DNAAF4: variants seen among roughly 807,000 people sequenced by gnomAD.
DNAAF4 encodes dynein axonemal assembly factor 4, also known as dynein assembly factor 4, axonemal.
DNAAF4 carries 43 observed loss-of-function variants against 51.8 expected under a neutral mutation model. The ratio of observed to expected loss-of-function variants is 0.83; its 90% CI spans 0.65 to 1.07. The LOEUF is 1.07. Ranked by LOEUF, DNAAF4 falls within the 50% of genes least tolerant of loss-of-function variation. The pLI is 0.00. For synonymous variants in DNAAF4, 194 were observed against 165.6 expected, an observed-to-expected ratio of 1.17 and a Z score of -1.32; for missense variants, 581 against 493.0, an observed-to-expected ratio of 1.18 and a Z score of -1.69.
intron 8 of DNAAF4, among the ~76,000 whole-genome samples, chr15:55,434,380 T>C (rs76327202): frequency 0.036 from 5,532 of 152,088 alleles, 103 homozygotes; most frequent in African/African-American, 0.05. Flanking sequence ...CTCAAGAAGC[T>C]ACCTAAGAGA....
intron 4 of DNAAF4, among the ~76,000 whole-genome samples, chr15:55,472,901 C>G (rs148727140): frequency 6.6e-6 from 1 of 152,080 alleles, no homozygotes; most frequent in African/African-American, 2.4e-5. Context: ...CATGGAGGCT[C>G]ACGCCTGTAA....
rs1367772643 is a variant in DNAAF4 at position 55,490,962 on chromosome 15, A to G, written c.405+161T>C. On this transcript the variant is annotated intron_variant, in intron 4 of 9. Transcript: ENST00000321149. ...GAGTGAGACTCGGTCTCAAGAAAAAAAAAAACACACATATAAATAGCAGAC... is the reference window on the plus strand; with the variant it reads ...GAGTGAGACTCGGTCTCAAGAAAAAGAAAAACACACATATAAATAGCAGAC... The G allele has an allele frequency of 6.4e-6, 5 of 786,426 alleles. No homozygotes were observed. The African/African-American group carries it at 8.9e-5, about 14-fold the overall frequency. The allele number at this position is 786,426 out of a possible 1,614,324, so 48.7% of individuals were successfully genotyped here.
chr15:55,470,636 G>A (rs927697551), intron 4 of DNAAF4, among the ~76,000 whole-genome samples: 1 of 151,278 alleles, frequency 6.6e-6, no homozygotes, highest in Non-Finnish European at 1.5e-5. Context: ...CAACCTCCTG[G>A]GCTCCAACGA....
intron 5 of DNAAF4, among the ~76,000 whole-genome samples, chr15:55,455,813 G>C (rs150404214): frequency 6.6e-6 from 1 of 152,162 alleles, no homozygotes; most frequent in Non-Finnish European, 1.5e-5. Context: ...ACAGGTTTCA[G>C]ATGCAGACCA....
chr15:55,493,357 TAA>T (rs1312883555), intron 3 of DNAAF4, among the ~76,000 whole-genome samples: 2 of 152,218 alleles, frequency 1.3e-5, no homozygotes, highest in Non-Finnish European at 2.9e-5. Flanking sequence ...TAGAGGTAAG[TAA>T]AAGTGTGTAA....
At chr15:55,498,930 G>A (rs1595961258) in intron 1 of DNAAF4, among the ~76,000 whole-genome samples, 4 of 145,356 alleles carry the variant, frequency 2.8e-5, no homozygotes, top group South Asian at 2.1e-4. Flanking sequence ...AAAAAGAAAA[G>A]AAAAAGAAAG....
Position 55,450,364 on chromosome 15 carries a change from C to T in DNAAF4, c.641G>A (p.Arg214Lys), listed in dbSNP as rs1189193525. ...LASRNLAPKG[R>K]NSENIFTEKL... Reference sequence around the variant, plus strand: ...CTCAGTAAATATATTTTCTGAATTTCTCCCTTCAAAAACAATGGTAGCAAA... The same window carrying T: ...CTCAGTAAATATATTTTCTGAATTTTTCCCTTCAAAAACAATGGTAGCAAA... Residue 214 changes from arginine to lysine, a missense_variant, in exon 6 of 10, where the codon AGA (arginine) becomes AAA (lysine). Transcript: ENST00000321149. 21 of 1,607,788 alleles carry T rather than the reference C, an allele frequency of 1.3e-5. No homozygotes were observed. The highest frequency in any genetic ancestry group is 1.8e-5 in the Non-Finnish European group (21 of 1,178,374).
intron 7 of DNAAF4, among the ~76,000 whole-genome samples, chr15:55,422,193 G>C (rs1039782071): frequency 6.6e-6 from 1 of 151,988 alleles, no homozygotes; most frequent in South Asian, 2.1e-4. Context: ...ACATAAAATA[G>C]AGTTAGGAGG....
chr15:55,505,207 A>C (rs2058720625), intron 1 of DNAAF4, among the ~76,000 whole-genome samples: 1 of 152,236 alleles, frequency 6.6e-6, no homozygotes, highest in African/African-American at 2.4e-5. Flanking sequence ...GCAAATCAAA[A>C]CCACAGTGAG....
chr15:55,504,302 C>G (rs148114779), intron 1 of DNAAF4, among the ~76,000 whole-genome samples: 1 of 152,292 alleles, frequency 6.6e-6, no homozygotes, highest in African/African-American at 2.4e-5. Context: ...CCATTCCATG[C>G]TCATGGATAG....
chr15:55,469,215 AGCTACTTGGGAGGCAGAGGGAG>A (rs966593535), intron 4 of DNAAF4, among the ~76,000 whole-genome samples: 2 of 151,786 alleles, frequency 1.3e-5, no homozygotes, highest in Non-Finnish European at 2.9e-5. Context: ...CCTTAATCCC[AGCTACTTGGGAGGCAGAGGGAG>A]GAGAATCATT....
At position 55,445,902 on chromosome 15, in the gene DNAAF4, T is replaced by C. The variant is rs1273675927; in HGVS notation, c.783+4320A>G. On this transcript the variant is annotated intron_variant, in intron 6 of 9. Transcript: ENST00000321149. The stretch of plus-strand genomic sequence containing the variant: ...CCCAGATGCGGCAGCCAGGCAGAGG[T>C]GCTCCTCACCTCCCAGACGGGGCGG... 5.2e-3 allele frequency among the ~76,000 whole-genome samples: 316 copies of C among 61,192 alleles called. 1 individual carries two copies. The highest frequency in any genetic ancestry group is 0.025 in the South Asian group (46 of 1,862). The allele number at this position is 61,192 out of a possible 152,430, so 40.1% of individuals were successfully genotyped here. A position where few individuals can be genotyped will look rare whatever the true frequency, so the allele number is the denominator to read the frequency against.
intron 8 of DNAAF4, among the ~76,000 whole-genome samples, chr15:55,433,625 C>CA (rs750056970): frequency 0.31 from 17,299 of 56,366 alleles, 2,282 homozygotes; most frequent in African/African-American, 0.34. Flanking sequence ...GACCTCGTCT[C>CA]AAAAAAAAAA....
At chr15:55,453,409 T>A (rs989917775) in intron 5 of DNAAF4, among the ~76,000 whole-genome samples, 1 of 152,024 alleles carries the variant, frequency 6.6e-6, no homozygotes, top group African/African-American at 2.4e-5. Flanking sequence ...TCCCCAAGAC[T>A]TTGAAATAGC....
chr15:55,500,568 T>A (rs898425490), intron 1 of DNAAF4, among the ~76,000 whole-genome samples: 6 of 152,242 alleles, frequency 3.9e-5, no homozygotes, highest in African/African-American at 1.4e-4. Flanking sequence ...TACTTTGTGC[T>A]GTCGGGGATT....
chr15:55,436,457 C>G (rs760030215), intron 7 of DNAAF4, among the ~76,000 whole-genome samples: 1 of 152,096 alleles, frequency 6.6e-6, no homozygotes, highest in Non-Finnish European at 1.5e-5. Flanking sequence ...CATCTCAGCT[C>G]ACTGCAACCT....
intron 5 of DNAAF4, among the ~76,000 whole-genome samples, chr15:55,450,834 ATG>A (rs2057920903): frequency 6.6e-6 from 1 of 152,352 alleles, no homozygotes; most frequent in East Asian, 1.9e-4. Context: ...GCAGTGGCTC[ATG>A]TCTGTAATCA....
chr15:55,468,294 C>CATA (rs1372160356), intron 4 of DNAAF4, among the ~76,000 whole-genome samples: 4 of 152,164 alleles, frequency 2.6e-5, no homozygotes, highest in Non-Finnish European at 5.9e-5. Context: ...ATCTACATGA[C>CATA]ATAATACTCT....
intron 7 of DNAAF4, among the ~76,000 whole-genome samples, chr15:55,438,940 T>C (rs900494071): frequency 6.6e-6 from 1 of 152,206 alleles, no homozygotes; most frequent in Non-Finnish European, 1.5e-5. Context: ...AGATGTAATT[T>C]TTTTCATTTT....
Sources: allele counts gnomAD v4.1 joint callset (sites outside exome capture counted in the v4.1 genomes callset), GRCh38; gene constraint gnomAD v4.1.1; transcripts MANE v1.5; gene names NCBI Gene and HGNC (gene_info 2026-07-23, HGNC 2026-07-21).